Variants in PDE4D observed in about 807,000 individuals in gnomAD.
PDE4D encodes 3',5'-cyclic-AMP phosphodiesterase 4D.
PDE4D carries 24 observed loss-of-function variants against 87.4 expected under a neutral mutation model. The observed-to-expected ratio is 0.27, with a 90% CI of 0.20 to 0.39. The LOEUF (loss-of-function observed/expected upper bound fraction) is 0.39, where lower values mean the gene tolerates loss of function less well. Among genes scored for constraint, PDE4D ranks in the 10% least tolerant of loss-of-function variants. The pLI is 1.00. For synonymous variants in PDE4D, 384 were observed against 383.2 expected (o/e 1.00, Z -0.02); for missense variants, 714 against 1,041.0 (o/e 0.69, Z 4.32).
At chr5:59,349,722 T>C (rs1319746570) in intron 1 of PDE4D, among the ~76,000 whole-genome samples, 1 of 152,124 alleles carries the variant, frequency 6.6e-6, no homozygotes, top group Non-Finnish European at 1.5e-5. Flanking sequence ...TTATAAACCC[T>C]TGGCAGTTTG....
chr5:59,471,371 G>A (rs921061420), intron 1 of PDE4D, among the ~76,000 whole-genome samples: 4 of 152,236 alleles, frequency 2.6e-5, no homozygotes, highest in African/African-American at 9.6e-5. Flanking sequence ...TTTCATAAAT[G>A]AGAAGACTGT....
At chr5:59,516,932 C>A (rs1259809732) in intron 1 of PDE4D, among the ~76,000 whole-genome samples, 1 of 151,420 alleles carries the variant, frequency 6.6e-6, no homozygotes, top group East Asian at 1.9e-4. Flanking sequence ...AACATACATA[C>A]ACATACATAG....
At chr5:59,050,312 G>A (rs1011790381) in intron 5 of PDE4D, among the ~76,000 whole-genome samples, 7 of 152,038 alleles carry the variant, frequency 4.6e-5, no homozygotes, top group Admixed American at 6.6e-5. Flanking sequence ...AAGATTTCCC[G>A]AAAAGACTAG....
chr5:60,129,094 G>C (rs1779361394), intron 2 of PDE4D, among the ~76,000 whole-genome samples: 1 of 152,184 alleles, frequency 6.6e-6, no homozygotes, highest in Non-Finnish European at 1.5e-5. Flanking sequence ...GCAAAATGTA[G>C]TTCTCTCAAA....
In PDE4D at chr5:59,172,733, A is replaced by T. The variant is rs563296143; in HGVS notation, c.808+7862T>A. On this transcript the variant is annotated intron_variant, in intron 5 of 14. Coordinates refer to ENST00000340635, the MANE Select transcript of PDE4D (RefSeq NM_001104631.2). ...TAAAAATTAATTAATTAATTAAAAT[A>T]AAAAATATAAAGGCTTCAATCATGG... 1.7e-4 allele frequency: 26 copies of T among 151,820 alleles called. No homozygotes were observed. The South Asian group carries it at 4.8e-3, about 28-fold the overall frequency. 9.4% of individuals were successfully genotyped at this position (151,820 alleles called of 1,614,324 possible).
intron 1 of PDE4D, among the ~76,000 whole-genome samples, chr5:59,729,888 C>G (rs1433474622): frequency 1.3e-5 from 2 of 151,996 alleles, no homozygotes; most frequent in African/African-American, 4.8e-5. Context: ...GAAACCAAGT[C>G]AAAAGTCAGA....
intron 3 of PDE4D, among the ~76,000 whole-genome samples, chr5:59,917,079 C>T (rs547472023): frequency 1.3e-5 from 2 of 148,526 alleles, no homozygotes; most frequent in East Asian, 2.0e-4. Context: ...GCTGGGATTA[C>T]AGGTGTGAGC....
chr5:59,931,374 A>T (rs1426290492), intron 3 of PDE4D, among the ~76,000 whole-genome samples: 1 of 152,200 alleles, frequency 6.6e-6, no homozygotes, highest in African/African-American at 2.4e-5. Context: ...TGCCTAGTCC[A>T]TTTTCTGTTG....
At chr5:60,382,105 G>T (rs1394889062) in intron 1 of PDE4D, among the ~76,000 whole-genome samples, 4 of 152,152 alleles carry the variant, frequency 2.6e-5, no homozygotes, top group East Asian at 1.9e-4. Flanking sequence ...CCTCATTGAA[G>T]CCTCATTTTA....
At chr5:59,392,183 G>A (rs1034739807) in intron 1 of PDE4D, among the ~76,000 whole-genome samples, 6 of 151,790 alleles carry the variant, frequency 4.0e-5, no homozygotes, top group African/African-American at 1.4e-4. Flanking sequence ...CTGTGAGGGT[G>A]TTGCCAAAGA....
chr5:59,716,098 T>A (rs531082490), intron 1 of PDE4D, among the ~76,000 whole-genome samples: 48 of 152,304 alleles, frequency 3.2e-4, no homozygotes, highest in Admixed American at 1.3e-3. Flanking sequence ...AAAATGGATG[T>A]GCTGCTCTCA....
intron 1 of PDE4D, among the ~76,000 whole-genome samples, chr5:60,195,092 C>G (rs1741053541): frequency 6.6e-6 from 1 of 151,560 alleles, no homozygotes; most frequent in Non-Finnish European, 1.5e-5. Flanking sequence ...TACCCCATAG[C>G]CATGCTCTTC....
intron 1 of PDE4D, among the ~76,000 whole-genome samples, chr5:59,535,125 T>C (rs548715809): frequency 2.0e-5 from 3 of 151,978 alleles, no homozygotes; most frequent in Non-Finnish European, 4.4e-5. Context: ...ATCATTTTTT[T>C]CTAAATGATA....
At chr5:59,586,298 T>C in intron 1 of PDE4D, 1 of 1,519,130 alleles carries the variant, frequency 6.6e-7, no homozygotes, top group Non-Finnish European at 9.1e-7. Context: ...ATTCTGAGTT[T>C]TACAAACTGA....
intron 3 of PDE4D, among the ~76,000 whole-genome samples, chr5:59,898,915 A>G (rs1377409320): frequency 1.3e-5 from 2 of 152,086 alleles, no homozygotes; most frequent in Non-Finnish European, 2.9e-5. Flanking sequence ...GAAAATAACA[A>G]TATGTTGTCC....
At chr5:60,312,683 C>G (rs1755158776) in intron 1 of PDE4D, among the ~76,000 whole-genome samples, 1 of 152,150 alleles carries the variant, frequency 6.6e-6, no homozygotes, top group East Asian at 1.9e-4. Flanking sequence ...CTGGTCCCAC[C>G]CTTGACGTGG....
intron 1 of PDE4D, among the ~76,000 whole-genome samples, chr5:59,453,525 T>C (rs1325065569): frequency 6.6e-6 from 1 of 152,184 alleles, no homozygotes; most frequent in African/African-American, 2.4e-5. Context: ...ATACAAATGA[T>C]AAGAAATTGA....
intron 1 of PDE4D, among the ~76,000 whole-genome samples, chr5:59,876,252 G>A (rs1011896540): frequency 1.3e-5 from 2 of 152,086 alleles, no homozygotes; most frequent in Non-Finnish European, 2.9e-5. Flanking sequence ...AAGCTTCTAG[G>A]AGTACCAAGC....
intron 1 of PDE4D, among the ~76,000 whole-genome samples, chr5:60,479,778 G>A (rs1256644439): frequency 6.6e-6 from 1 of 152,162 alleles, no homozygotes; most frequent in Non-Finnish European, 1.5e-5. Context: ...TGGCCTACAG[G>A]AAGTAGTAGT....
Sources: allele counts gnomAD v4.1 joint callset (sites outside exome capture counted in the v4.1 genomes callset), GRCh38; gene constraint gnomAD v4.1.1; transcripts MANE v1.5; gene names NCBI Gene and HGNC (gene_info 2026-07-23, HGNC 2026-07-21).